NUDCD3: variants seen among roughly 807,000 people sequenced by gnomAD.
NUDCD3 encodes the protein NudC domain containing 3.
Under a neutral mutation model 39.7 loss-of-function variants are expected in NUDCD3, and 13 were observed. The observed-to-expected ratio is 0.33, with a 90% confidence interval of 0.21 to 0.52. The LOEUF (loss-of-function observed/expected upper bound fraction) is 0.52. Ranked by LOEUF, NUDCD3 falls within the 20% of genes least tolerant of loss-of-function variation. The pLI is 0.96. For missense variants in NUDCD3, 453 were observed against 458.1 expected (o/e 0.99, Z 0.10); for synonymous variants, 175 against 172.4 (o/e 1.02, Z -0.12).
chr7:44,437,069 C>CTTTTTTTTTTTT (rs35904938), intron 2 of NUDCD3, among the ~76,000 whole-genome samples: 14 of 117,282 alleles, frequency 1.2e-4, no homozygotes, highest in Non-Finnish European at 1.8e-4. Context: ...CTTTTCTTTT[C>CTTTTTTTTTTTT]TTTTTTTTTT....
At position 44,413,039 on chromosome 7, in the gene NUDCD3, G is replaced by C. The variant is rs116590547; in HGVS notation, c.643-8456C>G. On this transcript the variant is annotated intron_variant, in intron 3 of 5. Transcript: ENST00000355451. Reference sequence around the variant, plus strand: ...ATCAAAGTGGATTATAAGGCAGCAAGAGTTCAAATAACTGACCAAAGAAAC... The same window carrying C: ...ATCAAAGTGGATTATAAGGCAGCAACAGTTCAAATAACTGACCAAAGAAAC... Among the ~76,000 whole-genome samples, 1,219 of 151,326 alleles carry C rather than the reference G, an allele frequency of 8.1e-3. 9 individuals carry two copies. Among genetic ancestry groups the C allele is most frequent in the African/African-American group, 0.027 (1,133 of 41,240 alleles).
intron 2 of NUDCD3, among the ~76,000 whole-genome samples, chr7:44,480,740 G>A (rs1046928003): frequency 2.6e-5 from 4 of 151,750 alleles, no homozygotes; most frequent in Admixed American, 6.6e-5. Flanking sequence ...TCACCAGTTC[G>A]ACACCAGCCT....
chr7:44,391,947 C>G (rs1413305470), intron 5 of NUDCD3, among the ~76,000 whole-genome samples: 1 of 152,194 alleles, frequency 6.6e-6, no homozygotes, highest in Non-Finnish European at 1.5e-5. Context: ...CCAAGCGACT[C>G]TTCATGGGAA....
intron 2 of NUDCD3, among the ~76,000 whole-genome samples, chr7:44,457,041 C>A (rs1167907430): frequency 1.3e-5 from 2 of 150,474 alleles, no homozygotes; most frequent in African/African-American, 2.5e-5. Flanking sequence ...AAAAAAAAAA[C>A]CTAAAATTCA....
intron 4 of NUDCD3, among the ~76,000 whole-genome samples, chr7:44,392,692 T>C (rs529209309): frequency 5.9e-5 from 9 of 152,170 alleles, no homozygotes; most frequent in African/African-American, 2.2e-4. Flanking sequence ...TGCTAACATA[T>C]CCCAGGGAAG....
chr7:44,490,538 G>C lies in NUDCD3; in HGVS notation c.63C>G (p.Gly21=). The change falls in exon 1 of 6, where the codon GGC becomes GGG. Residue 21 remains glycine, a synonymous_variant. Transcript: ENST00000355451. ...QALLGILQHV[G]NVQDFLRVLF... ...GAACGCGCAGGAAATCCTGGACGTT[G>C]CCCACGTGCTGCAGGATGCCCAAAA... is the stretch of plus-strand genomic sequence containing the variant. 1.2e-6 allele frequency: 2 copies of C among 1,612,272 alleles called. No individual in the cohort carries two copies. Among genetic ancestry groups the C allele is most frequent in the Non-Finnish European group, 1.7e-6 (2 of 1,179,264 alleles).
intron 2 of NUDCD3, among the ~76,000 whole-genome samples, chr7:44,461,424 G>A (rs1225516185): frequency 6.6e-6 from 1 of 152,168 alleles, no homozygotes; most frequent in Non-Finnish European, 1.5e-5. Context: ...AGCTGCATAT[G>A]AAGAGAAGTC....
intron 2 of NUDCD3, among the ~76,000 whole-genome samples, chr7:44,466,275 C>G (rs1182620050): frequency 6.6e-6 from 1 of 152,186 alleles, no homozygotes; most frequent in Non-Finnish European, 1.5e-5. Context: ...AAAAGCCTCT[C>G]AAGAGGACAC....
chr7:44,483,435 C>T (rs958004906), intron 2 of NUDCD3, among the ~76,000 whole-genome samples: 8 of 152,178 alleles, frequency 5.3e-5, no homozygotes, highest in Non-Finnish European at 1.2e-4. Flanking sequence ...AATTCACTAT[C>T]AGCAGATCTG....
chr7:44,407,228 G>A (rs1365053661), intron 3 of NUDCD3, among the ~76,000 whole-genome samples: 1 of 150,566 alleles, frequency 6.6e-6, no homozygotes, highest in Non-Finnish European at 1.5e-5. Context: ...CCATCAATAC[G>A]GTCCCACACT....
chr7:44,470,458 C>T (rs966287078), intron 2 of NUDCD3, among the ~76,000 whole-genome samples: 2 of 152,216 alleles, frequency 1.3e-5, no homozygotes, highest in African/African-American at 2.4e-5. Flanking sequence ...CGCCCAGGCT[C>T]GGTTTAAGGT....
chr7:44,447,880 G>A (rs1460264657), intron 2 of NUDCD3, among the ~76,000 whole-genome samples: 1 of 152,162 alleles, frequency 6.6e-6, no homozygotes, highest in African/African-American at 2.4e-5. Context: ...TGGCCACACA[G>A]GATTGCACAC....
chr7:44,485,802 G>A lies in NUDCD3; in HGVS notation c.193-518C>T, dbSNP rs117826388. Among the ~76,000 whole-genome samples, 23 of 152,294 alleles carry A rather than the reference G, an allele frequency of 1.5e-4. No individual in the cohort carries two copies. The East Asian group carries it at 3.5e-3, about 23-fold the overall frequency. The stretch of plus-strand genomic sequence containing the variant: ...CCTACAGTGTGCAAGAAACACGCAC[G>A]CACAAAAAACATCAAAATGATTTCT... On this transcript the variant is annotated intron_variant, in intron 1 of 5. Transcript: ENST00000355451.
In NUDCD3 at chr7:44,385,873, G is replaced by A. The variant is rs183786892; in HGVS notation, c.*138C>T. ...TGGAGATGCAAGGTCAGGGTGGAAG[G>A]CCTGGTTCACCCTTGAAAGAAAGGA... On this transcript the variant is annotated 3_prime_UTR_variant, in exon 6 of 6. Transcript: ENST00000355451. 6.4e-6 allele frequency: 4 copies of A among 624,334 alleles called. No homozygotes were observed. Among genetic ancestry groups the A allele is most frequent in the African/African-American group, 5.5e-5 (3 of 54,548 alleles). 38.7% of individuals were successfully genotyped at this position (624,334 alleles called of 1,614,324 possible). A position where few individuals can be genotyped will look rare whatever the true frequency, so the allele number is the denominator to read the frequency against.
In NUDCD3 at chr7:44,437,528, AGAG is replaced by A. The variant is rs201826866; in HGVS notation, c.510-9828_510-9826del. ...CATTTAAAGTCCAGCTGAGGAACAC[AGAG>A]GAGAGAGACCCCAGGGACTACCCTG... is the stretch of plus-strand genomic sequence containing the variant. On this transcript the variant is annotated intron_variant, in intron 2 of 5. Transcript: ENST00000355451. 3.9e-3 allele frequency among the ~76,000 whole-genome samples: 601 copies of A among 152,260 alleles called. 7 individuals carry two copies. Among genetic ancestry groups the A allele is most frequent in the African/African-American group, 0.014 (572 of 41,552 alleles).
intron 2 of NUDCD3, among the ~76,000 whole-genome samples, chr7:44,480,250 C>A (rs1025599724): frequency 6.6e-6 from 1 of 152,092 alleles, no homozygotes; most frequent in African/African-American, 2.4e-5. Context: ...CCAATACCCT[C>A]CTTTCATTTT....
At chr7:44,475,434 A>G (rs944080819) in intron 2 of NUDCD3, among the ~76,000 whole-genome samples, 4 of 152,244 alleles carry the variant, frequency 2.6e-5, no homozygotes, top group South Asian at 2.1e-4. Context: ...AAATATACAT[A>G]CATGTATTTA....
In NUDCD3 at chr7:44,429,015, T is replaced by C. The variant is rs955737570; in HGVS notation, c.510-1312A>G. Among the ~76,000 whole-genome samples the C allele has an allele frequency of 5.9e-5, 9 of 152,226 alleles. 1 individual carries two copies. In the South Asian group the frequency reaches 1.0e-3, roughly 18 times the overall value. ...ACAAAACTACATGTATCTACATCTA[T>C]ATAGATGCACATACAAGACAAGGAT... is the stretch of plus-strand genomic sequence containing the variant. On this transcript the variant is annotated intron_variant, in intron 2 of 5. Coordinates refer to ENST00000355451, the MANE Select transcript of NUDCD3 (RefSeq NM_015332.4).
intron 2 of NUDCD3, among the ~76,000 whole-genome samples, chr7:44,467,175 G>A (rs1800136046): frequency 6.6e-6 from 1 of 152,124 alleles, no homozygotes. Context: ...TGAAGAATGG[G>A]TCAATAAAGA....
Sources: allele counts gnomAD v4.1 joint callset (sites outside exome capture counted in the v4.1 genomes callset), GRCh38; gene constraint gnomAD v4.1.1; transcripts MANE v1.5; gene names NCBI Gene and HGNC (gene_info 2026-07-23, HGNC 2026-07-21).